The following RNF130 variants were observed in gnomAD, a reference collection of about 807,000 sequenced individuals.
RNF130 encodes the protein ring finger protein 130.
Under a neutral mutation model 44.6 loss-of-function variants are expected in RNF130, and 21 were observed. The ratio of observed to expected loss-of-function variants is 0.47; its 90% confidence interval spans 0.33 to 0.68. The LOEUF is 0.68. Among genes scored for constraint, RNF130 ranks in the 30% least tolerant of loss-of-function variants. The pLI is 0.02. For missense variants in RNF130, 479 were observed against 560.6 expected, an observed-to-expected ratio of 0.85 and a Z score of 1.47; for synonymous variants, 214 against 210.4, an observed-to-expected ratio of 1.02 and a Z score of -0.15.
rs182410850 is a variant in RNF130, at chr5:179,947,772, G to A, written c.1150+19034C>T. ...CAAAAGTATATGTGTGTATATGTAA[G>A]TATATAGTAGGTATACATTGATATA... On this transcript the variant is annotated intron_variant, in intron 7 of 7. Transcript: ENST00000522208. Among the ~76,000 whole-genome samples, 49 of 152,216 alleles carry A rather than the reference G, an allele frequency of 3.2e-4. No homozygotes were observed. The Middle Eastern group carries it at 0.014, about 42-fold the overall frequency.
chr5:179,912,425 T>G (rs1318265377), exon 8 of RNF130: 1 of 152,268 alleles, frequency 6.6e-6, no homozygotes, highest in African/African-American at 2.4e-5. Flanking sequence ...ACAGAGTTAT[T>G]GCCTCTCTGC....
At chr5:180,035,321 A>T (rs1764225995) in intron 2 of RNF130, among the ~76,000 whole-genome samples, 1 of 152,190 alleles carries the variant, frequency 6.6e-6, no homozygotes, top group Admixed American at 6.5e-5. Flanking sequence ...AATTTCAAAG[A>T]CTTGGGAATT....
chr5:180,053,115 C>G (rs1266440540), intron 1 of RNF130, among the ~76,000 whole-genome samples: 3 of 152,114 alleles, frequency 2.0e-5, no homozygotes, highest in African/African-American at 7.2e-5. Flanking sequence ...CGGGAGCATG[C>G]CGAGGTCAAC....
At chr5:180,006,622 T>C (rs904662344) in intron 3 of RNF130, among the ~76,000 whole-genome samples, 2 of 152,238 alleles carry the variant, frequency 1.3e-5, no homozygotes, top group South Asian at 4.1e-4. Context: ...CAGGAGTCCA[T>C]TAAGTGGCAG....
rs946740541 is a variant in RNF130, at chr5:180,040,740, C to G, written c.248-93G>C. 1.8e-5 allele frequency: 21 copies of G among 1,189,602 alleles called. No homozygotes were observed. The African/African-American group carries it at 2.8e-4, about 16-fold the overall frequency. 73.7% of individuals were successfully genotyped at this position (1,189,602 alleles called of 1,614,324 possible). A position where few individuals can be genotyped will look rare whatever the true frequency, so the allele number is the denominator to read the frequency against. On this transcript the variant is annotated intron_variant, in intron 1 of 8. Coordinates refer to ENST00000521389, the MANE Select transcript of RNF130 (RefSeq NM_018434.6). ...ACTGCTTTCTGAATACCACACAGAG[C>G]TAAAGCACGTGAAGCAGCTCGCTGC...
At chr5:179,926,832 C>T (rs562653363) in intron 7 of RNF130, among the ~76,000 whole-genome samples, 1 of 152,246 alleles carries the variant, frequency 6.6e-6, no homozygotes, top group African/African-American at 2.4e-5. Context: ...GGACTGAGCC[C>T]TCACCCTGGG....
intron 7 of RNF130, among the ~76,000 whole-genome samples, chr5:179,927,476 A>C (rs1761721629): frequency 6.6e-6 from 1 of 152,148 alleles, no homozygotes; most frequent in Admixed American, 6.5e-5. Flanking sequence ...CAAGAATAGA[A>C]TACTACCAGC....
chr5:179,917,902 G>A (rs1170058092), exon 8 of RNF130: 1 of 152,262 alleles, frequency 6.6e-6, no homozygotes, highest in African/African-American at 2.4e-5. Flanking sequence ...GCTACTCGGT[G>A]GGCTGAGGTG....
chr5:179,945,688 C>CA (rs1241980174), intron 7 of RNF130, among the ~76,000 whole-genome samples: 1 of 152,178 alleles, frequency 6.6e-6, no homozygotes, highest in East Asian at 1.9e-4. Flanking sequence ...GTGCAGGTGA[C>CA]AGACTCCAGA....
chr5:180,042,550 A>C (rs1300071878), intron 1 of RNF130, among the ~76,000 whole-genome samples: 1 of 152,240 alleles, frequency 6.6e-6, no homozygotes, highest in Non-Finnish European at 1.5e-5. Flanking sequence ...TTTCATCACT[A>C]TCTGTTTCAC....
intron 1 of RNF130, among the ~76,000 whole-genome samples, chr5:180,053,989 A>G (rs1164652312): frequency 6.6e-6 from 1 of 151,842 alleles, no homozygotes; most frequent in Admixed American, 6.6e-5. Flanking sequence ...GCTAATTTTT[A>G]TATTTTTAGC....
At chr5:180,025,284 T>A (rs1024822685) in intron 2 of RNF130, among the ~76,000 whole-genome samples, 1 of 152,222 alleles carries the variant, frequency 6.6e-6, no homozygotes, top group African/African-American at 2.4e-5. Context: ...GAAACTGATT[T>A]CTAAAACAGT....
chr5:180,032,215 A>T (rs1023866142), intron 2 of RNF130, among the ~76,000 whole-genome samples: 2 of 152,142 alleles, frequency 1.3e-5, no homozygotes, highest in Middle Eastern at 3.4e-3. Context: ...ATAAAATCTA[A>T]TTTTTTTTAT....
At chr5:180,009,539 A>G (rs1763536666) in intron 3 of RNF130, among the ~76,000 whole-genome samples, 2 of 152,206 alleles carry the variant, frequency 1.3e-5, no homozygotes, top group African/African-American at 4.8e-5. Flanking sequence ...AGATGTTACT[A>G]CACAACTCAA....
chr5:180,069,904 T>A (rs2113198966), intron 1 of RNF130, among the ~76,000 whole-genome samples: 1 of 152,266 alleles, frequency 6.6e-6, no homozygotes, highest in Admixed American at 6.5e-5. Context: ...GGGGCTTTTG[T>A]TTGGGGTGAC....
chr5:179,932,498 G>GATCC, intron 7 of RNF130, among the ~76,000 whole-genome samples: 2 of 151,252 alleles, frequency 1.3e-5, no homozygotes, highest in Admixed American at 1.3e-4. Flanking sequence ...GACCTCAAAT[G>GATCC]ATCCGCCCGC....
chr5:179,944,591 G>C (rs1043512040), intron 7 of RNF130, among the ~76,000 whole-genome samples: 1 of 151,840 alleles, frequency 6.6e-6, no homozygotes. Context: ...CAGCCTCCTT[G>C]CAAGCCACCA....
At chr5:180,014,105 T>C (rs189281040) in intron 2 of RNF130, among the ~76,000 whole-genome samples, 2 of 152,372 alleles carry the variant, frequency 1.3e-5, no homozygotes, top group East Asian at 1.9e-4. Flanking sequence ...CCTCTAACAG[T>C]TGTCCAGAGG....
chr5:180,064,003 C>T (rs768144963), intron 1 of RNF130, among the ~76,000 whole-genome samples: 2 of 152,144 alleles, frequency 1.3e-5, no homozygotes, highest in African/African-American at 2.4e-5. Flanking sequence ...TGCCCAATTC[C>T]ATTACCGCTG....
Sources: gnomAD v4.1 joint callset for allele counts (sites outside exome capture counted in the v4.1 genomes callset) on GRCh38, gnomAD v4.1.1 for gene constraint, MANE v1.5 for transcripts, NCBI Gene and HGNC (gene_info 2026-07-23, HGNC 2026-07-21) for gene names.